Variants in SPHKAP observed in about 807,000 individuals in gnomAD.
SPHKAP encodes the protein A-kinase anchor protein SPHKAP.
SPHKAP carries 67 observed loss-of-function variants against 137.5 expected under a neutral mutation model. The ratio of observed to expected loss-of-function variants is 0.49; its 90% CI spans 0.40 to 0.60. The LOEUF (loss-of-function observed/expected upper bound fraction) is 0.60. Among genes scored for constraint, SPHKAP ranks in the 20% least tolerant of loss-of-function variants. The probability of loss-of-function intolerance (pLI) is 0.00; values close to 1 mark genes in which losing one functional copy is unlikely to be tolerated. For missense variants in SPHKAP, 2,097 were observed against 2,069.3 expected, an observed-to-expected ratio of 1.01 and a Z score of -0.26; for synonymous variants, 813 against 785.3, an observed-to-expected ratio of 1.04 and a Z score of -0.59.
chr2:228,099,968 G>A (rs1698138216), intron 3 of SPHKAP, among the ~76,000 whole-genome samples: 1 of 151,936 alleles, frequency 6.6e-6, no homozygotes, highest in African/African-American at 2.4e-5. Context: ...TCCTGCCTCA[G>A]CCTCCCGAGT....
chr2:228,096,595 C>G (rs1433378105), intron 3 of SPHKAP, among the ~76,000 whole-genome samples: 1 of 151,548 alleles, frequency 6.6e-6, no homozygotes, highest in Non-Finnish European at 1.5e-5. Context: ...GTAAGTGGAT[C>G]TGTTCAATTC....
chr2:228,065,759 T>C (rs192702705), intron 3 of SPHKAP, among the ~76,000 whole-genome samples: 6 of 152,218 alleles, frequency 3.9e-5, no homozygotes, highest in Admixed American at 2.0e-4. Flanking sequence ...AGAATAATTT[T>C]CTAGAGAGAG....
intron 5 of SPHKAP, 99 bp from the exon 6 acceptor site, chr2:228,022,065 A>G: frequency 7.2e-7 from 1 of 1,394,780 alleles, no homozygotes; most frequent in Non-Finnish European, 9.3e-7. Context: ...TGTTAATAGG[A>G]GTGGGGACCT....
chr2:228,096,327 A>C (rs1456709442), intron 3 of SPHKAP, among the ~76,000 whole-genome samples: 6 of 152,202 alleles, frequency 3.9e-5, no homozygotes, highest in Admixed American at 3.3e-4. Flanking sequence ...CTTTTGGTTG[A>C]GTTTTCATGA....
In SPHKAP at chr2:228,151,382, C is replaced by T. The variant is rs375763852; in HGVS notation, c.33-19297G>A. Among the ~76,000 whole-genome samples the T allele has an allele frequency of 8.1e-4, 123 of 151,566 alleles. 2 individuals are homozygous for T. In the East Asian group the frequency reaches 0.015, roughly 19 times the overall value. On this transcript the variant is annotated intron_variant, in intron 1 of 11. Transcript: ENST00000392056. Reference sequence around the variant, plus strand: ...AAGTCTTTGCTATTGTGAATAGTGCCGCAATAAACATACGTGTGCATGTGT... The same window carrying T: ...AAGTCTTTGCTATTGTGAATAGTGCTGCAATAAACATACGTGTGCATGTGT...
intron 1 of SPHKAP, among the ~76,000 whole-genome samples, chr2:228,173,149 A>G (rs1700636659): frequency 6.6e-6 from 1 of 152,192 alleles, no homozygotes; most frequent in Admixed American, 6.5e-5. Context: ...AGGAGGAACA[A>G]ATAGCCTTGT....
intron 9 of SPHKAP, chr2:227,991,718 TAATG>T (rs772082776): frequency 1.6e-4 from 157 of 969,410 alleles, no homozygotes; most frequent in Non-Finnish European, 1.9e-4. Context: ...ACTTTCATCT[TAATG>T]AATCATATGT....
At chr2:228,095,480 T>C (rs1456432427) in intron 3 of SPHKAP, among the ~76,000 whole-genome samples, 2 of 152,128 alleles carry the variant, frequency 1.3e-5, no homozygotes, top group African/African-American at 4.8e-5. Context: ...CCTGGAGAAA[T>C]AGCTAATTTT....
intron 1 of SPHKAP, among the ~76,000 whole-genome samples, chr2:228,177,115 C>G (rs957039043): frequency 4.0e-5 from 6 of 151,830 alleles, no homozygotes; most frequent in Non-Finnish European, 7.4e-5. Flanking sequence ...GGAGTAAGGA[C>G]CCATTTACAA....
At chr2:228,136,222 G>T (rs1473359719) in intron 1 of SPHKAP, among the ~76,000 whole-genome samples, 2 of 152,228 alleles carry the variant, frequency 1.3e-5, no homozygotes, top group East Asian at 3.9e-4. Flanking sequence ...ATTCTTCCCT[G>T]GGAGATTTTC....
At chr2:228,084,996 C>T (rs4973070) in intron 3 of SPHKAP, among the ~76,000 whole-genome samples, 115,774 of 152,162 alleles carry the variant, frequency 0.76, 44,163 homozygotes, top group African/African-American at 0.81. Context: ...CAACAGAATG[C>T]GTTTCACAGA....
At chr2:228,101,994 G>A (rs575689851) in intron 3 of SPHKAP, among the ~76,000 whole-genome samples, 78 of 152,258 alleles carry the variant, frequency 5.1e-4, no homozygotes, top group African/African-American at 1.7e-3. Flanking sequence ...TGTACTGTGT[G>A]TACATTAACA....
Position 227,991,062 on chromosome 2 carries a change from C to A in SPHKAP, c.4897G>T (p.Ala1633Ser). 1 of 1,614,186 alleles carries A rather than the reference C, an allele frequency of 6.2e-7. No individual in the cohort carries two copies. The highest frequency in any genetic ancestry group is 1.3e-5 in the African/African-American group (1 of 75,054). ...ATGGTGGGAATCCCCAGTTCAGAGG[C>A]AGCTATCCACTGCAGAGTGGCTCGG... The part of the protein sequence containing the change: ...ELRATLQWIA[A>S]SELGIPTIYF... Residue 1633 changes from alanine to serine, a missense_variant, in exon 11 of 12, where the codon GCC becomes TCC. Transcript: ENST00000392056.
intron 1 of SPHKAP, among the ~76,000 whole-genome samples, chr2:228,133,237 G>T (rs964397519): frequency 2.0e-5 from 3 of 152,060 alleles, no homozygotes; most frequent in East Asian, 1.9e-4. Flanking sequence ...AACCCAGGAG[G>T]TGGAGGTTGC....
At chr2:228,139,275 A>G (rs907040449) in intron 1 of SPHKAP, among the ~76,000 whole-genome samples, 2 of 152,140 alleles carry the variant, frequency 1.3e-5, no homozygotes, top group African/African-American at 2.4e-5. Flanking sequence ...TGTTCAATTA[A>G]TGCTTTTTTA....
At chr2:228,179,071 G>A (rs1267472334) in intron 1 of SPHKAP, among the ~76,000 whole-genome samples, 1 of 151,914 alleles carries the variant, frequency 6.6e-6, no homozygotes, top group Non-Finnish European at 1.5e-5. Flanking sequence ...CTAAGAAAAT[G>A]GAAAAGCCAA....
chr2:227,985,397 G>T (rs1188379338), intron 11 of SPHKAP, among the ~76,000 whole-genome samples: 1 of 152,096 alleles, frequency 6.6e-6, no homozygotes, highest in African/African-American at 2.4e-5. Flanking sequence ...AGATTGTGAA[G>T]AAGTCAGAAA....
chr2:228,070,202 A>G (rs868596252), intron 3 of SPHKAP, among the ~76,000 whole-genome samples: 3 of 152,222 alleles, frequency 2.0e-5, no homozygotes, highest in Non-Finnish European at 4.4e-5. Flanking sequence ...GTGGATTGAC[A>G]CATATTTTTA....
chr2:228,031,067 G>C (rs1159409089), intron 3 of SPHKAP, among the ~76,000 whole-genome samples: 1 of 152,234 alleles, frequency 6.6e-6, no homozygotes, highest in African/African-American at 2.4e-5. Flanking sequence ...GGAGGGCGAG[G>C]TGTTGCCTCA....
Sources: allele counts gnomAD v4.1 joint callset (sites outside exome capture counted in the v4.1 genomes callset), GRCh38; gene constraint gnomAD v4.1.1; transcripts MANE v1.5; gene names NCBI Gene and HGNC (gene_info 2026-07-23, HGNC 2026-07-21).